TMCO6: variants seen among roughly 807,000 people sequenced by gnomAD.
TMCO6 encodes the protein transmembrane and coiled-coil domain-containing protein 6.
In TMCO6, 47 loss-of-function variants were observed where a neutral mutation model predicts 61.8. The ratio of observed to expected loss-of-function variants is 0.76; its 90% CI spans 0.60 to 0.97. The LOEUF (loss-of-function observed/expected upper bound fraction) is 0.97, where lower values mean the gene tolerates loss of function less well. Ranked by LOEUF, TMCO6 falls within the 50% of genes least tolerant of loss-of-function variation. The pLI is 0.00. For missense variants in TMCO6, 557 were observed against 601.6 expected (o/e 0.93, Z 0.78); for synonymous variants, 261 against 254.2 (o/e 1.03, Z -0.25).
the TMCO6 span, among the ~76,000 whole-genome samples, chr5:140,606,252 A>C: frequency 6.9e-6 from 1 of 144,210 alleles, no homozygotes; most frequent in Non-Finnish European, 1.5e-5. Flanking sequence ...GGGCTCAAGC[A>C]CTCCTCCTGC....
rs760178189 is a variant in TMCO6 at position 140,645,103 on chromosome 5, G to T, written c.*5G>T. 3.1e-6 allele frequency: 5 copies of T among 1,612,902 alleles called. No homozygotes were observed. The highest frequency in any genetic ancestry group is 4.2e-6 in the Non-Finnish European group (5 of 1,179,096). ...CAGACAGCTCTTCAAGGGTGATCTT[G>T]TTTCTCAATGTCACTCATTCCCCTC... On this transcript the variant is annotated 3_prime_UTR_variant, in exon 12 of 12. Coordinates refer to ENST00000394671, the MANE Select transcript of TMCO6 (RefSeq NM_018502.5).
the TMCO6 span, chr5:140,631,830 G>C: frequency 6.6e-7 from 1 of 1,520,242 alleles, no homozygotes; most frequent in Admixed American, 2.1e-5. Context: ...GGCAGTTTGA[G>C]TCCATTCATT....
rs1414012252 is a variant in TMCO6, at chr5:140,643,849, C to T, written c.988C>T (p.Gln330Ter). ...TEAAVETVGG[Q>*]MQLRDERVVA... is the part of the protein sequence containing the mutation. ...GGCAGCAGTGGAGACTGTGGGAGGG[C>T]AAATGCAGCTCAGAGATGAGCGTGT... is the stretch of plus-strand genomic sequence containing the variant. The change falls in exon 9 of 12, where the codon CAA (glutamine) becomes TAA (stop). Residue 330 changes from glutamine (Q) to a stop codon, truncating the protein, a stop_gained. Transcript: ENST00000394671. LOFTEE classifies it high-confidence loss of function. 6.2e-7 allele frequency: 1 copy of T among 1,614,204 alleles called. No homozygotes were observed. The highest frequency in any genetic ancestry group is 8.5e-7 in the Non-Finnish European group (1 of 1,180,044).
At chr5:140,629,276 AAAACAAAAC>A in the TMCO6 span, among the ~76,000 whole-genome samples, 2 of 152,058 alleles carry the variant, frequency 1.3e-5, no homozygotes, top group Non-Finnish European at 2.9e-5. Context: ...CTCAAAAAAC[AAAACAAAAC>A]AAACAAAACC....
chr5:140,614,818 G>A, the TMCO6 span, among the ~76,000 whole-genome samples: 1 of 152,214 alleles, frequency 6.6e-6, no homozygotes, highest in South Asian at 2.1e-4. Flanking sequence ...GTTTCACCGT[G>A]TTAGCCAGGA....
chr5:140,610,903 T>C, the TMCO6 span, among the ~76,000 whole-genome samples: 1 of 152,228 alleles, frequency 6.6e-6, no homozygotes, highest in Non-Finnish European at 1.5e-5. Context: ...TCCTTCCTTT[T>C]GTTGAGTGTT....
chr5:140,633,237 T>A, the TMCO6 span: 10 of 821,210 alleles, frequency 1.2e-5, no homozygotes, highest in Admixed American at 2.0e-4. Flanking sequence ...TTCCCTCCTC[T>A]GTGAACCCTG....
chr5:140,644,423 C>A, intron 10 of TMCO6, 150 bp from the exon 11 acceptor site: 1 of 986,052 alleles, frequency 1.0e-6, no homozygotes, highest in Non-Finnish European at 1.5e-6. Context: ...GATAATCTTG[C>A]ATCATAGGGT....
the TMCO6 span, chr5:140,609,347 G>T: frequency 3.9e-6 from 1 of 259,350 alleles, no homozygotes; most frequent in Non-Finnish European, 8.4e-6. Context: ...CAGGAAGCAG[G>T]AGGAGCTGAG....
rs150039122 is a variant in TMCO6 at position 140,643,357 on chromosome 5, C to T, written c.807-207C>T. 5.8e-4 allele frequency: 350 copies of T among 602,794 alleles called. 1 individual carries two copies. In the Middle Eastern group the frequency reaches 0.01, roughly 18 times the overall value. The allele number at this position is 602,794 out of a possible 1,614,324, so 37.3% of individuals were successfully genotyped here. On this transcript the variant is annotated intron_variant, in intron 7 of 11. Coordinates refer to ENST00000394671, the MANE Select transcript of TMCO6 (RefSeq NM_018502.5). ...GACTACAGATGCGTGCCACTATGCC[C>T]GGCTAATTTTTGTATTTCTAATAGA... is the stretch of plus-strand genomic sequence containing the variant.
At chr5:140,620,831 T>A in the TMCO6 span, among the ~76,000 whole-genome samples, 1 of 152,078 alleles carries the variant, frequency 6.6e-6, no homozygotes, top group Non-Finnish European at 1.5e-5. Flanking sequence ...GGCAACATAG[T>A]GAGACCTTGC....
At chr5:140,600,474 T>TG in the TMCO6 span, among the ~76,000 whole-genome samples, 1 of 151,856 alleles carries the variant, frequency 6.6e-6, no homozygotes, top group African/African-American at 2.4e-5. Flanking sequence ...GTTTTGTTTT[T>TG]TTTTTTTTTG....
the TMCO6 span, among the ~76,000 whole-genome samples, chr5:140,606,182 T>G: frequency 2.0e-5 from 3 of 149,488 alleles, no homozygotes; most frequent in South Asian, 6.4e-4. Flanking sequence ...TTTTTTTTTT[T>G]TCCAGGGTCT....
chr5:140,644,454 A>G (rs1233628419), intron 10 of TMCO6, 119 bp from the exon 11 acceptor site: 9 of 1,205,220 alleles, frequency 7.5e-6, no homozygotes, highest in Non-Finnish European at 9.5e-6. Flanking sequence ...GTATGAGAAC[A>G]TGTATGTAGA....
At chr5:140,635,257 C>A (rs1756742352), upstream of TMCO6, among the ~76,000 whole-genome samples, 1 of 152,212 alleles carries the variant, frequency 6.6e-6, no homozygotes, top group Non-Finnish European at 1.5e-5. Flanking sequence ...TCCCTGAGGA[C>A]CAAGATATGA....
the TMCO6 span, among the ~76,000 whole-genome samples, chr5:140,619,610 A>G: frequency 6.6e-6 from 1 of 152,060 alleles, no homozygotes; most frequent in African/African-American, 2.4e-5. Context: ...AATAAGCACA[A>G]CAAAGAAAAA....
At chr5:140,643,214 A>T (rs1220796286) in intron 7 of TMCO6, 173 bp downstream of exon 7, 1 of 877,688 alleles carries the variant, frequency 1.1e-6, no homozygotes, top group South Asian at 1.8e-5. Context: ...TTTTTTTTTG[A>T]GACAGTCTCA....
At chr5:140,619,859 T>C in the TMCO6 span, among the ~76,000 whole-genome samples, 1 of 152,346 alleles carries the variant, frequency 6.6e-6, no homozygotes, top group South Asian at 2.1e-4. Flanking sequence ...TACACACCTT[T>C]TAGAATGCCC....
At chr5:140,601,197 T>G in the TMCO6 span, among the ~76,000 whole-genome samples, 2 of 152,182 alleles carry the variant, frequency 1.3e-5, no homozygotes, top group Non-Finnish European at 2.9e-5. Context: ...GACTACAGTG[T>G]ATGTGGCTCC....
Sources: gnomAD v4.1 joint callset for allele counts (sites outside exome capture counted in the v4.1 genomes callset) on GRCh38, gnomAD v4.1.1 for gene constraint, MANE v1.5 for transcripts, NCBI Gene and HGNC (gene_info 2026-07-23, HGNC 2026-07-21) for gene names.